ANKRD30B: variants seen among roughly 807,000 people sequenced by gnomAD.
ANKRD30B encodes ankyrin repeat domain-containing protein 30B.
In ANKRD30B, 144 loss-of-function variants were observed where a neutral mutation model predicts 202.2. The ratio of observed to expected loss-of-function variants is 0.71; its 90% confidence interval spans 0.62 to 0.82. ANKRD30B has a LOEUF of 0.82. Ranked by LOEUF, ANKRD30B falls within the 40% of genes least tolerant of loss-of-function variation. The pLI, the probability that ANKRD30B is intolerant of heterozygous loss-of-function variation, is 0.00. For synonymous variants in ANKRD30B, 508 were observed against 561.3 expected, an observed-to-expected ratio of 0.91 and a Z score of 1.34; for missense variants, 1,487 against 1,669.1, an observed-to-expected ratio of 0.89 and a Z score of 1.90.
chr18:14,913,046 G>T, the ANKRD30B span, among the ~76,000 whole-genome samples: 4 of 152,248 alleles, frequency 2.6e-5, no homozygotes, highest in Non-Finnish European at 4.4e-5. Flanking sequence ...CCCAGCATGA[G>T]ATGAGCAGAG....
At chr18:14,762,473 G>A (rs536246143) in intron 6 of ANKRD30B, among the ~76,000 whole-genome samples, 11 of 149,012 alleles carry the variant, frequency 7.4e-5, no homozygotes, top group Non-Finnish European at 1.0e-4. Context: ...GTTGAGAAGC[G>A]CAGGTTATGT....
At chr18:14,905,028 A>G in the ANKRD30B span, among the ~76,000 whole-genome samples, 1 of 152,212 alleles carries the variant, frequency 6.6e-6, no homozygotes, top group African/African-American at 2.4e-5. Context: ...CCCGAAAACC[A>G]AGATGGCAAC....
At position 14,842,121 on chromosome 18, in the gene ANKRD30B, G is replaced by T. The variant is rs987578662; in HGVS notation, c.3080-776G>T. ...TTGTTTTTTAAAATAAATATTGTCT[G>T]ATTTAAAAATATAAAATGTTATTTA... On this transcript the variant is annotated intron_variant, in intron 37 of 43. Coordinates refer to ENST00000690538, the MANE Select transcript of ANKRD30B (RefSeq NM_001367607.2). 2.0e-5 allele frequency among the ~76,000 whole-genome samples: 3 copies of T among 151,902 alleles called. No individual in the cohort carries two copies. In the South Asian group the frequency reaches 6.2e-4, roughly 32 times the overall value.
At chr18:14,789,346 T>A (rs1338776276) in intron 15 of ANKRD30B, among the ~76,000 whole-genome samples, 1 of 152,188 alleles carries the variant, frequency 6.6e-6, no homozygotes, top group African/African-American at 2.4e-5. Flanking sequence ...AGGTTGCCTG[T>A]TCACTCTGAT....
chr18:14,816,912 T>G (rs1385428899), intron 30 of ANKRD30B: 2 of 152,058 alleles, frequency 1.3e-5, no homozygotes, highest in Non-Finnish European at 2.9e-5. Flanking sequence ...AATTGAACAA[T>G]GAGAACACAT....
Position 14,748,617 on chromosome 18 carries a change from G to A in ANKRD30B, c.198G>A (p.Leu66=), listed in dbSNP as rs1441167774. The change falls in exon 1 of 44, where the codon CTG becomes CTA. Residue 66 remains leucine (L), a synonymous_variant. Transcript: ENST00000690538. ...KMTVGKKPVN[L]NKRDMKKRTA... is the part of the protein sequence containing the mutation. ...CAGTAGGGAAGAAGCCCGTCAACCTGAACAAAAGAGATATGAAGAAGAGGT... is the reference window on the plus strand; with the variant it reads ...CAGTAGGGAAGAAGCCCGTCAACCTAAACAAAAGAGATATGAAGAAGAGGT... 1.3e-6 allele frequency: 2 copies of A among 1,565,526 alleles called. No homozygotes were observed. The highest frequency in any genetic ancestry group is 4.7e-5 in the East Asian group (2 of 42,390).
At chr18:14,938,299 T>C in the ANKRD30B span, among the ~76,000 whole-genome samples, 1 of 152,138 alleles carries the variant, frequency 6.6e-6, no homozygotes, top group East Asian at 1.9e-4. Flanking sequence ...ATTTAAAAAG[T>C]GGCTTTAGAA....
At chr18:14,756,794 A>G (rs1335254843) in intron 4 of ANKRD30B, among the ~76,000 whole-genome samples, 3 of 152,168 alleles carry the variant, frequency 2.0e-5, no homozygotes, top group Admixed American at 6.5e-5. Context: ...CAGGGGACTG[A>G]GGCACGAGAA....
chr18:14,823,440 C>G (rs1269140802), intron 32 of ANKRD30B, among the ~76,000 whole-genome samples: 3 of 151,640 alleles, frequency 2.0e-5, no homozygotes, highest in Admixed American at 2.0e-4. Flanking sequence ...TGTTGTCACT[C>G]TGAGAATCTA....
intron 17 of ANKRD30B, 37 bp downstream of exon 17, chr18:14,796,286 A>T: frequency 6.2e-7 from 1 of 1,609,800 alleles, no homozygotes; most frequent in Non-Finnish European, 8.5e-7. Context: ...AATACTAACT[A>T]CATATTTTAG....
rs145435979 is a variant in ANKRD30B, at chr18:14,809,433, C to A, written c.2387-553C>A. On this transcript the variant is annotated intron_variant, in intron 26 of 43. Transcript: ENST00000690538. ...TGTGAAGCTAGACAACTGGTTAGAC[C>A]AGAAATTCTCAGAAGGGAGTATGCC... is the stretch of plus-strand genomic sequence containing the variant. Among the ~76,000 whole-genome samples the A allele has an allele frequency of 6.3e-3, 947 of 150,808 alleles. 49 individuals carry two copies. Among genetic ancestry groups the A allele is most frequent in the African/African-American group, 0.022 (898 of 40,766 alleles).
intron 37 of ANKRD30B, among the ~76,000 whole-genome samples, chr18:14,842,025 T>TA (rs1971439573): frequency 6.6e-6 from 1 of 152,170 alleles, no homozygotes; most frequent in African/African-American, 2.4e-5. Flanking sequence ...ATTAGACACT[T>TA]ACCATAATAA....
chr18:14,900,749 C>G, the ANKRD30B span, among the ~76,000 whole-genome samples: 1 of 152,170 alleles, frequency 6.6e-6, no homozygotes, highest in African/African-American at 2.4e-5. Flanking sequence ...TTCCAAAAGT[C>G]TTCCATAAAA....
the ANKRD30B span, among the ~76,000 whole-genome samples, chr18:14,873,717 A>T: frequency 6.6e-6 from 1 of 152,082 alleles, no homozygotes; most frequent in East Asian, 1.9e-4. Flanking sequence ...TAAAATGCTG[A>T]TGGAGTTCTC....
chr18:14,869,549 AAATT>A, the ANKRD30B span, among the ~76,000 whole-genome samples: 1 of 152,238 alleles, frequency 6.6e-6, no homozygotes, highest in African/African-American at 2.4e-5. Flanking sequence ...TGACCATAAT[AAATT>A]ATTTTTAATT....
the ANKRD30B span, among the ~76,000 whole-genome samples, chr18:14,934,978 C>T: frequency 1.3e-5 from 2 of 151,902 alleles, no homozygotes; most frequent in Admixed American, 1.3e-4. Context: ...AGTACAGATG[C>T]CCTGCACCCT....
chr18:14,768,835 C>A (rs879416159), intron 7 of ANKRD30B, among the ~76,000 whole-genome samples: 1 of 152,162 alleles, frequency 6.6e-6, no homozygotes, highest in Non-Finnish European at 1.5e-5. Flanking sequence ...GATAATAATA[C>A]AATTTTCTGT....
At chr18:14,907,342 G>T in the ANKRD30B span, among the ~76,000 whole-genome samples, 1 of 152,088 alleles carries the variant, frequency 6.6e-6, no homozygotes, top group African/African-American at 2.4e-5. Context: ...AAATGATAGG[G>T]TCATTGTATT....
At chr18:14,770,712 A>G (rs1278876006) in intron 8 of ANKRD30B, among the ~76,000 whole-genome samples, 3 of 152,212 alleles carry the variant, frequency 2.0e-5, no homozygotes, top group East Asian at 3.8e-4. Context: ...GGAGTTATCT[A>G]GAAGAGCATA....
Sources: gnomAD v4.1 joint callset for allele counts (sites outside exome capture counted in the v4.1 genomes callset) on GRCh38, gnomAD v4.1.1 for gene constraint, MANE v1.5 for transcripts, NCBI Gene and HGNC (gene_info 2026-07-23, HGNC 2026-07-21) for gene names.